Variants in GTF2B observed in about 807,000 individuals in gnomAD.
GTF2B encodes general transcription factor IIB, also known as transcription initiation factor IIB.
Under a neutral mutation model 34.6 loss-of-function variants are expected in GTF2B, and 20 were observed. The ratio of observed to expected loss-of-function variants is 0.58; its 90% confidence interval spans 0.41 to 0.84. The LOEUF (loss-of-function observed/expected upper bound fraction) is 0.84, where lower values mean the gene tolerates loss of function less well. GTF2B is among the 40% of genes least tolerant of loss of function. The pLI, the probability that GTF2B is intolerant of heterozygous loss-of-function variation, is 0.00. For synonymous variants in GTF2B, 142 were observed against 132.4 expected (o/e 1.07, Z -0.50); for missense variants, 237 against 393.3 (o/e 0.60, Z 3.36).
chr1:88,866,381 T>C (rs1358376301), intron 2 of GTF2B, among the ~76,000 whole-genome samples: 1 of 152,150 alleles, frequency 6.6e-6, no homozygotes, highest in Non-Finnish European at 1.5e-5. Flanking sequence ...AATGATTCAT[T>C]TCTGAAGCCT....
At chr1:88,882,333 A>AAAAAAAAC (rs1673970194) in intron 2 of GTF2B, among the ~76,000 whole-genome samples, 1 of 149,604 alleles carries the variant, frequency 6.7e-6, no homozygotes, top group Non-Finnish European at 1.5e-5. Flanking sequence ...AAAAAAAAAA[A>AAAAAAAAC]AAAACGCTAC....
At chr1:88,856,272 C>CAAAAAAAAAAAAAA (rs377030804) in intron 6 of GTF2B, among the ~76,000 whole-genome samples, 6 of 50,028 alleles carry the variant, frequency 1.2e-4, no homozygotes, top group East Asian at 6.8e-4. Flanking sequence ...GTTTCAAAAA[C>CAAAAAAAAAAAAAA]AAAAAAAAAA....
intron 2 of GTF2B, among the ~76,000 whole-genome samples, chr1:88,866,179 T>C (rs979730663): frequency 2.0e-5 from 3 of 151,814 alleles, no homozygotes; most frequent in African/African-American, 7.3e-5. Flanking sequence ...CTGGGCAACA[T>C]GGTGAAACCC....
intron 2 of GTF2B, among the ~76,000 whole-genome samples, chr1:88,868,982 G>A (rs1452287228): frequency 2.0e-5 from 3 of 151,922 alleles, no homozygotes; most frequent in Admixed American, 6.6e-5. Flanking sequence ...CTCGTGATCC[G>A]CCCACCTCTG....
chr1:88,875,151 A>G (rs1673791343), intron 2 of GTF2B, among the ~76,000 whole-genome samples: 1 of 152,208 alleles, frequency 6.6e-6, no homozygotes, highest in Non-Finnish European at 1.5e-5. Flanking sequence ...TTTGAAGAGA[A>G]TGCTGACCAA....
At chr1:88,879,235 T>C (rs1486264668) in intron 2 of GTF2B, among the ~76,000 whole-genome samples, 2 of 151,834 alleles carry the variant, frequency 1.3e-5, no homozygotes, top group Admixed American at 6.6e-5. Context: ...GTATAAGATA[T>C]AAGCTTATAA....
intron 1 of GTF2B, among the ~76,000 whole-genome samples, chr1:88,890,744 C>CTGT (rs1268560520): frequency 2.0e-5 from 3 of 152,102 alleles, no homozygotes; most frequent in African/African-American, 7.2e-5. Flanking sequence ...AGATTAAAGG[C>CTGT]TGTTTCTGAG....
intron 2 of GTF2B, among the ~76,000 whole-genome samples, chr1:88,870,063 G>A (rs781482293): frequency 5.3e-5 from 8 of 152,084 alleles, no homozygotes; most frequent in Non-Finnish European, 1.2e-4. Flanking sequence ...GAGTAGCTGG[G>A]ACTACAGGCG....
At chr1:88,855,845 A>C (rs1369898186) in intron 6 of GTF2B, among the ~76,000 whole-genome samples, 1 of 150,614 alleles carries the variant, frequency 6.6e-6, no homozygotes, top group Non-Finnish European at 1.5e-5. Flanking sequence ...TAGTAGAGAC[A>C]GGGTTTTGCC....
chr1:88,865,012 G>A (rs1258135631), intron 2 of GTF2B, among the ~76,000 whole-genome samples: 2 of 152,206 alleles, frequency 1.3e-5, no homozygotes, highest in Non-Finnish European at 2.9e-5. Context: ...TCAGTGAAGT[G>A]TGATGAAGCT....
chr1:88,890,658 T>C (rs1674178123), intron 1 of GTF2B, among the ~76,000 whole-genome samples: 1 of 152,206 alleles, frequency 6.6e-6, no homozygotes. Flanking sequence ...TTTACACTTA[T>C]GCAAAAATAC....
At chr1:88,885,577 G>A (rs60266087) in intron 2 of GTF2B, among the ~76,000 whole-genome samples, 2,840 of 151,620 alleles carry the variant, frequency 0.019, 67 homozygotes, top group African/African-American at 0.052. Context: ...GAGAAACACC[G>A]TCTCTACTAA....
intron 2 of GTF2B, among the ~76,000 whole-genome samples, chr1:88,879,104 G>A (rs1439223087): frequency 6.6e-6 from 1 of 152,158 alleles, no homozygotes; most frequent in Non-Finnish European, 1.5e-5. Flanking sequence ...GTATTATGTT[G>A]CTTTAAGAAA....
Position 88,853,117 on chromosome 1 carries a change from G to T in GTF2B, c.*96C>A. On this transcript the variant is annotated 3_prime_UTR_variant, in exon 7 of 7. Transcript: ENST00000370500. ...CCCTGGAATGCGTACCATGTCTTTT[G>T]TTTTTCCTCATGAAAGGCTCAACCC... 8.9e-7 allele frequency: 1 copy of T among 1,128,142 alleles called. No homozygotes were observed. The highest frequency in any genetic ancestry group is 1.4e-6 in the Non-Finnish European group (1 of 739,240). The allele number at this position is 1,128,142 out of a possible 1,614,324, so 69.9% of individuals were successfully genotyped here.
chr1:88,874,445 TC>T (rs1387905755), intron 2 of GTF2B, among the ~76,000 whole-genome samples: 3 of 148,896 alleles, frequency 2.0e-5, no homozygotes, highest in Non-Finnish European at 3.0e-5. Context: ...GGGAACTAAT[TC>T]CCCCAAGTAG....
chr1:88,869,447 C>G (rs1673637250), intron 2 of GTF2B, among the ~76,000 whole-genome samples: 1 of 152,114 alleles, frequency 6.6e-6, no homozygotes, highest in East Asian at 1.9e-4. Context: ...ACAAATATAT[C>G]TCAAAACTTT....
At chr1:88,868,880 C>T (rs1360031032) in intron 2 of GTF2B, among the ~76,000 whole-genome samples, 2 of 152,086 alleles carry the variant, frequency 1.3e-5, no homozygotes, top group Non-Finnish European at 2.9e-5. Flanking sequence ...GGACTACAGG[C>T]GCCCACCACA....
chr1:88,852,804 AATTT>A lies in GTF2B; in HGVS notation c.*405_*408del, dbSNP rs1172511171. 1.9e-5 allele frequency: 3 copies of A among 158,800 alleles called. No individual in the cohort carries two copies. The highest frequency in any genetic ancestry group is 3.8e-4 in the East Asian group (2 of 5,322). 9.8% of individuals were successfully genotyped at this position (158,800 alleles called of 1,614,324 possible). On this transcript the variant is annotated 3_prime_UTR_variant, in exon 7 of 7. Coordinates refer to ENST00000370500, the MANE Select transcript of GTF2B (RefSeq NM_001514.6). Reference sequence around the variant, plus strand: ...CTCAAAAGCTTTTGCTCTTTCCATAAATTTATTAAAATAAAAAACTATGTATATA... The same window carrying A: ...CTCAAAAGCTTTTGCTCTTTCCATAAATTAAAATAAAAAACTATGTATATA...
intron 2 of GTF2B, among the ~76,000 whole-genome samples, chr1:88,872,823 CTG>C (rs1557657947): frequency 2.0e-5 from 3 of 151,988 alleles, no homozygotes; most frequent in East Asian, 1.9e-4. Context: ...TCTCCTTGTG[CTG>C]TGTTACTTTT....
Sources: gnomAD v4.1 joint callset for allele counts (sites outside exome capture counted in the v4.1 genomes callset) on GRCh38, gnomAD v4.1.1 for gene constraint, MANE v1.5 for transcripts, NCBI Gene and HGNC (gene_info 2026-07-23, HGNC 2026-07-21) for gene names.